Variants in RYR2 observed in about 807,000 individuals in gnomAD.
RYR2 encodes the protein cardiac muscle ryanodine receptor-calcium release channel.
RYR2 carries 227 observed loss-of-function variants against 601.1 expected under a neutral mutation model. The ratio of observed to expected loss-of-function variants is 0.38; its 90% CI spans 0.34 to 0.42. The LOEUF is 0.42. Ranked by LOEUF, RYR2 falls within the 10% of genes least tolerant of loss-of-function variation. The pLI is 1.00. For synonymous variants in RYR2, 2,223 were observed against 2,175.1 expected, an observed-to-expected ratio of 1.02 and a Z score of -0.61; for missense variants, 4,646 against 6,156.5, an observed-to-expected ratio of 0.75 and a Z score of 8.21.
chr1:237,339,331 G>C (rs1162237740), intron 3 of RYR2, among the ~76,000 whole-genome samples: 2 of 151,900 alleles, frequency 1.3e-5, no homozygotes, highest in Non-Finnish European at 2.9e-5. Flanking sequence ...TGTTTATTTA[G>C]TTATTTTTAA....
At chr1:237,650,914 A>C (rs1682663939) in intron 50 of RYR2, among the ~76,000 whole-genome samples, 1 of 152,248 alleles carries the variant, frequency 6.6e-6, no homozygotes, top group South Asian at 2.1e-4. Flanking sequence ...TAAGTATTAC[A>C]TGAGGTAAAA....
Position 237,641,493 on chromosome 1 carries a change from C to CTT in RYR2, c.7221+493_7221+494dup, listed in dbSNP as rs1553265011. ...TCTGTCTTTCTTTCTTTCTTTCTTT[C>CTT]TTTCTTTCTTTCTTTCTTTCTTTCT... is the stretch of plus-strand genomic sequence containing the variant. On this transcript the variant is annotated intron_variant, in intron 47 of 104. Coordinates refer to ENST00000366574, the MANE Select transcript of RYR2 (RefSeq NM_001035.3). 2.9e-3 allele frequency among the ~76,000 whole-genome samples: 413 copies of CTT among 142,072 alleles called. 4 individuals are homozygous for CTT. The highest frequency in any genetic ancestry group is 7.8e-3 in the African/African-American group (294 of 37,530). The allele number at this position is 142,072 out of a possible 152,430, so 93.2% of individuals were successfully genotyped here.
At chr1:237,481,809 CAA>C (rs553197529) in intron 17 of RYR2, among the ~76,000 whole-genome samples, 2,225 of 46,714 alleles carry the variant, frequency 0.048, 50 homozygotes, top group African/African-American at 0.13. Context: ...TGCTGTGTAG[CAA>C]AAAAAAAAAA....
At chr1:237,274,044 TTATAA>T (rs1219838912) in intron 2 of RYR2, among the ~76,000 whole-genome samples, 3 of 146,690 alleles carry the variant, frequency 2.0e-5, no homozygotes, top group East Asian at 1.9e-4. Context: ...TATATAATAT[TTATAA>T]TATATTATAA....
Position 237,496,700 on chromosome 1 carries a change from T to C in RYR2, c.2151T>C (p.Gly717=), listed in dbSNP as rs776713719. 3 of 1,613,810 alleles carry C rather than the reference T, an allele frequency of 1.9e-6. No homozygotes were observed. In the Admixed American group the frequency reaches 5.0e-5, roughly 27 times the overall value. ...GGGGCGAAGAGTGGGGTGGAAATGG[T>C]GTTGGAGATGATCTCTTCTCCTATG... is the stretch of plus-strand genomic sequence containing the variant. The part of the protein sequence containing the change: ...PGGGEEWGGN[G]VGDDLFSYGF... Residue 717 remains glycine, a synonymous_variant, in exon 20 of 105, where the codon GGT becomes GGC. Coordinates refer to ENST00000366574, the MANE Select transcript of RYR2 (RefSeq NM_001035.3).
chr1:237,575,033 T>G (rs2148323757), intron 29 of RYR2, among the ~76,000 whole-genome samples: 1 of 152,312 alleles, frequency 6.6e-6, no homozygotes, highest in South Asian at 2.1e-4. Flanking sequence ...CAACCGAACC[T>G]TCAGACTCAC....
chr1:237,234,947 A>G (rs907039034), intron 1 of RYR2, among the ~76,000 whole-genome samples: 2 of 152,036 alleles, frequency 1.3e-5, no homozygotes, highest in African/African-American at 4.8e-5. Context: ...GGTGTGGAAA[A>G]TGTGCCCTCT....
intron 12 of RYR2, among the ~76,000 whole-genome samples, chr1:237,432,187 G>C (rs573537516): frequency 1.1e-4 from 15 of 130,572 alleles, no homozygotes; most frequent in Non-Finnish European, 2.1e-4. Context: ...ATGTATCCCA[G>C]AGCAATGACT....
rs1558942445 is a variant in RYR2 at position 237,509,648 on chromosome 1, G to T, written c.2719-2040G>T. On this transcript the variant is annotated intron_variant, in intron 23 of 104. Transcript: ENST00000366574. The stretch of plus-strand genomic sequence containing the variant: ...AGTACTGGGGACCCAATTTTGAAAA[G>T]GCCTTGACTTTTAAGGTATTATGTT... Among the ~76,000 whole-genome samples the T allele has an allele frequency of 2.6e-5, 4 of 152,112 alleles. No individual in the cohort carries two copies. In the South Asian group the frequency reaches 6.2e-4, roughly 24 times the overall value.
chr1:237,613,251 AATTTAATTTACTCC>A (rs1373458792), intron 36 of RYR2, among the ~76,000 whole-genome samples: 1 of 152,206 alleles, frequency 6.6e-6, no homozygotes, highest in African/African-American at 2.4e-5. Flanking sequence ...CACAGTTTAT[AATTTAATTTACTCC>A]ATTTTGGTCA....
At chr1:237,615,336 T>C (rs12097234) in intron 37 of RYR2, among the ~76,000 whole-genome samples, 14,767 of 152,146 alleles carry the variant, frequency 0.097, 1,558 homozygotes, top group African/African-American at 0.26. Flanking sequence ...GGACTGTAGG[T>C]ATGCCACCAT....
chr1:237,364,478 A>ATC, intron 5 of RYR2, 106 bp downstream of exon 5: 3 of 499,212 alleles, frequency 6.0e-6, no homozygotes, highest in Non-Finnish European at 6.9e-6. Flanking sequence ...TATTATATAT[A>ATC]TGACAGATAT....
intron 1 of RYR2, among the ~76,000 whole-genome samples, chr1:237,230,689 CGTAT>C (rs1289319607): frequency 2.6e-5 from 4 of 152,074 alleles, no homozygotes; most frequent in African/African-American, 9.7e-5. Flanking sequence ...GAGGCCTTGA[CGTAT>C]GTATCACCTG....
At chr1:237,802,013 C>A in intron 98 of RYR2, 97 bp downstream of exon 98, 3 of 702,260 alleles carry the variant, frequency 4.3e-6, no homozygotes, top group South Asian at 3.4e-5. Context: ...GAAAATGTTT[C>A]GAATACCAAT....
At chr1:237,468,467 C>A (rs2150297779) in intron 16 of RYR2, among the ~76,000 whole-genome samples, 1 of 152,254 alleles carries the variant, frequency 6.6e-6, no homozygotes, top group African/African-American at 2.4e-5. Context: ...AAGCTAGAAT[C>A]AGTTTCTTTA....
At chr1:237,774,170 A>G (rs1345307308) in intron 87 of RYR2, among the ~76,000 whole-genome samples, 2 of 151,984 alleles carry the variant, frequency 1.3e-5, no homozygotes, top group East Asian at 3.9e-4. Context: ...AGATTTTATA[A>G]AATTCTGGGT....
chr1:237,094,826 C>T (rs976076650), intron 1 of RYR2, among the ~76,000 whole-genome samples: 8 of 152,144 alleles, frequency 5.3e-5, no homozygotes, highest in African/African-American at 1.9e-4. Flanking sequence ...CTCCTGACCT[C>T]GTGATCCTCC....
chr1:237,371,631 C>A (rs1302062381), intron 6 of RYR2, among the ~76,000 whole-genome samples: 2 of 152,052 alleles, frequency 1.3e-5, no homozygotes, highest in Non-Finnish European at 2.9e-5. Flanking sequence ...GTAAATTGTT[C>A]TAAAGCAGAA....
chr1:237,091,615 G>C (rs1234425519), intron 1 of RYR2, among the ~76,000 whole-genome samples: 1 of 152,144 alleles, frequency 6.6e-6, no homozygotes, highest in Non-Finnish European at 1.5e-5. Context: ...AGTAGAGACG[G>C]GGTTTCGCCA....
Sources: gnomAD v4.1 joint callset for allele counts (sites outside exome capture counted in the v4.1 genomes callset) on GRCh38, gnomAD v4.1.1 for gene constraint, MANE v1.5 for transcripts, NCBI Gene and HGNC (gene_info 2026-07-23, HGNC 2026-07-21) for gene names.